CRAT: variants seen among roughly 807,000 people sequenced by gnomAD.
The protein encoded by CRAT is carnitine O-acetyltransferase, also known as carnitine acetylase.
In CRAT, 66 loss-of-function variants were observed where a neutral mutation model predicts 73.7. That is an observed-to-expected ratio of 0.90 (90% CI 0.73 to 1.10). CRAT has a LOEUF of 1.10. Ranked by LOEUF, CRAT falls within the 50% of genes least tolerant of loss-of-function variation. The pLI, the probability that CRAT is intolerant of heterozygous loss-of-function variation, is 0.00. For synonymous variants in CRAT, 321 were observed against 343.2 expected (o/e 0.94, Z 0.71); for missense variants, 745 against 846.9 (o/e 0.88, Z 1.49).
rs1194768923 is a variant in CRAT, at chr9:129,107,797, A to C, written c.291+17T>G. 1 of 1,613,156 alleles carries C rather than the reference A, an allele frequency of 6.2e-7. No individual in the cohort carries two copies. On this transcript the variant is annotated intron_variant, in intron 2 of 13. Coordinates refer to ENST00000318080, the MANE Select transcript of CRAT (RefSeq NM_000755.5). The surrounding 1 kb of genome is among the most constrained non-coding windows in gnomAD (Gnocchi z 5.0). Reference sequence around the variant, plus strand: ...GTGCAGCCAGCAGCAGGTCACAGTGAGGATGCCCTCACTCACCCAGTTCTC... The same window carrying C: ...GTGCAGCCAGCAGCAGGTCACAGTGCGGATGCCCTCACTCACCCAGTTCTC...
Position 129,108,777 on chromosome 9 carries a change from G to A in CRAT, c.28-700C>T, listed in dbSNP as rs567372525. ...CTGTTCCATACCTTCTCTCTCTGCTGCCCGTCCTCCTCCATGGCAGGACTG... is the reference window on the plus strand; with the variant it reads ...CTGTTCCATACCTTCTCTCTCTGCTACCCGTCCTCCTCCATGGCAGGACTG... On this transcript the variant is annotated intron_variant, in intron 1 of 13. Coordinates refer to ENST00000318080, the MANE Select transcript of CRAT (RefSeq NM_000755.5). 1.2e-4 allele frequency: 156 copies of A among 1,304,256 alleles called. 1 individual carries two copies. Among genetic ancestry groups the A allele is most frequent in the South Asian group, 7.9e-4 (64 of 81,034 alleles). The allele number at this position is 1,304,256 out of a possible 1,614,324, so 80.8% of individuals were successfully genotyped here.
At chr9:129,105,916 G>T (rs956481575) in intron 2 of CRAT, among the ~76,000 whole-genome samples, 8 of 152,200 alleles carry the variant, frequency 5.3e-5, no homozygotes, top group Admixed American at 2.0e-4. Flanking sequence ...GTCTGGCGCT[G>T]CGCACACTCC....
At chr9:129,096,791 G>A (rs1403460142) in intron 12 of CRAT, among the ~76,000 whole-genome samples, 2 of 152,216 alleles carry the variant, frequency 1.3e-5, no homozygotes, top group African/African-American at 4.8e-5. Flanking sequence ...ATATTTGGCC[G>A]GGCACGGTGG....
At position 129,104,295 on chromosome 9, in the gene CRAT, C is replaced by T. The variant is rs1187280166; in HGVS notation, c.303G>A (p.Trp101Ter). 2 of 1,613,248 alleles carry T rather than the reference C, an allele frequency of 1.2e-6. No individual in the cohort carries two copies. Among genetic ancestry groups the T allele is most frequent in the Admixed American group, 3.3e-5 (2 of 59,976 alleles). ...ACTGGAGGTAGGCGGTCTTGAGCCA[C>T]CACTCAGACAGCTGGGAAAAGTGCC... ...ARKTENWLSE[W>*]WLKTAYLQYR... The change falls in exon 3 of 14, where the codon TGG (tryptophan) becomes TGA (stop). Residue 101 changes from tryptophan (W) to a stop codon, truncating the protein, a stop_gained. Transcript: ENST00000318080. LOFTEE classifies it high-confidence loss of function.
At chr9:129,109,070 G>A (rs1160700687) in intron 1 of CRAT, 7 of 1,269,376 alleles carry the variant, frequency 5.5e-6, no homozygotes, top group Non-Finnish European at 6.2e-6. Flanking sequence ...CAGGTGAGAG[G>A]GCTAGTGGGG....
At chr9:129,096,237 AC>A in intron 12 of CRAT, 102 bp from the exon 13 acceptor site, 1 of 1,425,358 alleles carries the variant, frequency 7.0e-7, no homozygotes, top group African/African-American at 1.4e-5. Flanking sequence ...GGCACTGGCC[AC>A]TCAAAACCAC....
rs1174890352 is a variant in CRAT, at chr9:129,104,251, A to G, written c.347T>C (p.Ile116Thr). 1 of 1,613,682 alleles carries G rather than the reference A, an allele frequency of 6.2e-7. No homozygotes were observed. The highest frequency in any genetic ancestry group is 8.5e-7 in the Non-Finnish European group (1 of 1,179,856). ...AYLQYRQPVVIYSSPGVMLPK... is the reference protein window; with the variant it reads ...AYLQYRQPVVTYSSPGVMLPK... Reference sequence around the variant, plus strand: ...TAGCATCACGCCTGGGCTCGAGTAGATGACCACAGGCTGGCGGTACTGGAG... The same window carrying G: ...TAGCATCACGCCTGGGCTCGAGTAGGTGACCACAGGCTGGCGGTACTGGAG... Residue 116 changes from isoleucine (I) to threonine (T), a missense_variant, in exon 3 of 14, where the codon ATC becomes ACC. Coordinates refer to ENST00000318080, the MANE Select transcript of CRAT (RefSeq NM_000755.5).
intron 8 of CRAT, among the ~76,000 whole-genome samples, chr9:129,099,028 G>A (rs911027990): frequency 6.6e-6 from 1 of 151,514 alleles, no homozygotes; most frequent in Non-Finnish European, 1.5e-5. Flanking sequence ...CCAGGCTGGA[G>A]CAATGGAACG....
At chr9:129,095,856 C>T (rs1427970234) in intron 13 of CRAT, 142 bp downstream of exon 13, 9 of 1,234,348 alleles carry the variant, frequency 7.3e-6, no homozygotes, top group Non-Finnish European at 1.0e-5. Flanking sequence ...CCTGCCTGGG[C>T]TGCAGAGAGG....
chr9:129,096,855 G>A (rs1434985194), intron 12 of CRAT, among the ~76,000 whole-genome samples: 1 of 152,184 alleles, frequency 6.6e-6, no homozygotes, highest in Non-Finnish European at 1.5e-5. Flanking sequence ...GATCACCTGA[G>A]GTCAGGAGTT....
intron 12 of CRAT, 50 bp downstream of exon 12, chr9:129,097,200 G>C: frequency 6.8e-7 from 1 of 1,469,842 alleles, no homozygotes; most frequent in South Asian, 1.3e-5. Context: ...GGGACAGACA[G>C]ATGGCTGACA....
intron 6 of CRAT, 129 bp downstream of exon 6, chr9:129,101,754 T>G: frequency 1.7e-6 from 2 of 1,211,896 alleles, no homozygotes; most frequent in Non-Finnish European, 2.3e-6. Context: ...CTTCATGAAC[T>G]CTTAACCTGT....
intron 2 of CRAT, among the ~76,000 whole-genome samples, chr9:129,104,737 T>C (rs1224632354): frequency 2.0e-5 from 3 of 150,526 alleles, no homozygotes; most frequent in Non-Finnish European, 4.4e-5. Context: ...CCTGAGTAAG[T>C]GGGACTACAG....
chr9:129,108,949 C>A, intron 1 of CRAT: 1 of 1,251,374 alleles, frequency 8.0e-7, no homozygotes, highest in South Asian at 1.4e-5. Context: ...AGGCAGGTGG[C>A]AGTGGCGATG....
intron 1 of CRAT, chr9:129,108,739 A>T: frequency 7.7e-7 from 1 of 1,303,984 alleles, no homozygotes; most frequent in Non-Finnish European, 1.0e-6. Flanking sequence ...TGGGCAGGCG[A>T]GTGGCAGGAG....
chr9:129,098,182 A>G (rs1460556062), intron 10 of CRAT, 34 bp from the exon 11 acceptor site: 3 of 1,612,734 alleles, frequency 1.9e-6, no homozygotes, highest in Non-Finnish European at 2.5e-6. Flanking sequence ...CGCCCCTTGG[A>G]GGCGGGCACC....
chr9:129,100,579 C>T lies in CRAT; in HGVS notation c.916G>A (p.Gly306Ser), dbSNP rs1316146514. ...SEDVYRSHVA[G>S]QMLHGGGSRL... Reference sequence around the variant, plus strand: ...CTGCCGCCCCCATGCAGCATCTGGCCTGCCACGTGGCTGCGGTACACGTCT... The same window carrying T: ...CTGCCGCCCCCATGCAGCATCTGGCTTGCCACGTGGCTGCGGTACACGTCT... The change falls in exon 7 of 14, where the codon GGC becomes AGC. Residue 306 changes from glycine (G) to serine (S), a missense_variant. Gly to Ser is a moderately conservative substitution (Grantham distance 56). Coordinates refer to ENST00000318080, the MANE Select transcript of CRAT (RefSeq NM_000755.5). 6.2e-7 allele frequency: 1 copy of T among 1,614,014 alleles called. No individual in the cohort carries two copies. The highest frequency in any genetic ancestry group is 1.3e-5 in the African/African-American group (1 of 75,050).
In CRAT at chr9:129,098,137, T is replaced by C. The variant is rs1847405414; in HGVS notation, c.1340A>G (p.Gln447Arg). The C allele has an allele frequency of 1.9e-6, 3 of 1,613,700 alleles. No homozygotes were observed. The South Asian group carries it at 3.3e-5, about 18-fold the overall frequency. Residue 447 changes from glutamine to arginine, a missense_variant, in exon 11 of 14, where the codon CAG (glutamine) becomes CGG (arginine). Physicochemically the swap from Gln to Arg is conservative, Grantham distance 43. Coordinates refer to ENST00000318080, the MANE Select transcript of CRAT (RefSeq NM_000755.5). ...LQLAYYRIYG[Q>R]ACATYESASL... ...GGCACTTTCATAGGTGGCACATGCC[T>C]GTCCGTAGATCCTGGTGGGAAATGG... is the stretch of plus-strand genomic sequence containing the variant.
intron 1 of CRAT, 183 bp from the exon 2 acceptor site, chr9:129,108,260 A>G: frequency 1.1e-6 from 1 of 881,690 alleles, no homozygotes; most frequent in Non-Finnish European, 1.6e-6. Flanking sequence ...GGGCCTGGAG[A>G]TGCAGGTAGG....
Sources: allele counts gnomAD v4.1 joint callset (sites outside exome capture counted in the v4.1 genomes callset), GRCh38; gene constraint gnomAD v4.1.1; non-coding constraint Gnocchi (gnomAD v3.1); transcripts MANE v1.5; gene names NCBI Gene and HGNC (gene_info 2026-07-23, HGNC 2026-07-21).